Variants in SNTB1 observed in about 807,000 individuals in gnomAD.
The protein encoded by SNTB1 is beta-1-syntrophin.
SNTB1 carries 36 observed loss-of-function variants against 48.9 expected under a neutral mutation model. That is an observed-to-expected ratio of 0.74 (90% CI 0.56 to 0.97). The LOEUF is 0.97. Ranked by LOEUF, SNTB1 falls within the 50% of genes least tolerant of loss-of-function variation. The pLI, the probability that SNTB1 is intolerant of heterozygous loss-of-function variation, is 0.00. For missense variants in SNTB1, 786 were observed against 703.4 expected (o/e 1.12, Z -1.33); for synonymous variants, 299 against 294.6 (o/e 1.01, Z -0.15).
chr8:120,654,262 G>A (rs999677939), intron 2 of SNTB1, among the ~76,000 whole-genome samples: 2 of 151,856 alleles, frequency 1.3e-5, no homozygotes, highest in Non-Finnish European at 1.5e-5. Context: ...CTTCCTTGCT[G>A]GCTGATGAGC....
chr8:120,561,562 A>C (rs1019255259), intron 4 of SNTB1, among the ~76,000 whole-genome samples: 1 of 152,106 alleles, frequency 6.6e-6, no homozygotes. Context: ...TACTTTTTAA[A>C]TAATTTTTTG....
chr8:120,699,854 G>C (rs978463085), intron 1 of SNTB1, among the ~76,000 whole-genome samples: 1 of 152,078 alleles, frequency 6.6e-6, no homozygotes, highest in Non-Finnish European at 1.5e-5. Context: ...AATTCTCTCA[G>C]GACTTATTCT....
At chr8:120,633,900 T>C (rs957794578) in intron 2 of SNTB1, among the ~76,000 whole-genome samples, 2 of 152,180 alleles carry the variant, frequency 1.3e-5, no homozygotes, top group African/African-American at 4.8e-5. Context: ...ACTAGGAAAC[T>C]GACATAGGTA....
In SNTB1 at chr8:120,579,691, AAAAC is replaced by A. The variant is rs145594222; in HGVS notation, c.997-4470_997-4467del. On this transcript the variant is annotated intron_variant, in intron 3 of 6. Transcript: ENST00000517992. Reference sequence around the variant, plus strand: ...GAGACTCTGTGTCAAAAAAGAAAAGAAAACAAACAAACAAACAAACAAAAAACCT... The same window carrying A: ...GAGACTCTGTGTCAAAAAAGAAAAGAAAACAAACAAACAAACAAAAAACCT... Among the ~76,000 whole-genome samples the A allele has an allele frequency of 2.1e-3, 315 of 151,950 alleles. 2 individuals are homozygous for A. Among genetic ancestry groups the A allele is most frequent in the African/African-American group, 6.8e-3 (281 of 41,420 alleles).
chr8:120,612,994 C>A (rs976688145), intron 3 of SNTB1, among the ~76,000 whole-genome samples: 1 of 151,964 alleles, frequency 6.6e-6, no homozygotes, highest in Non-Finnish European at 1.5e-5. Context: ...TGATGTTAAG[C>A]GAAATAAGTC....
At chr8:120,680,890 T>C (rs904552544) in intron 2 of SNTB1, among the ~76,000 whole-genome samples, 3 of 152,188 alleles carry the variant, frequency 2.0e-5, no homozygotes, top group Non-Finnish European at 4.4e-5. Context: ...GGAATGGTGC[T>C]GACAGGTACG....
chr8:120,811,640 G>T lies in SNTB1; in HGVS notation c.204C>A (p.Phe68Leu). 6.3e-7 allele frequency: 1 copy of T among 1,594,752 alleles called. No individual in the cohort carries two copies. The change falls in exon 1 of 7, where the codon TTC (phenylalanine) becomes TTA (leucine). Residue 68 changes from phenylalanine to leucine, a missense_variant. Physicochemically the swap from Phe to Leu is conservative, Grantham distance 22. Transcript: ENST00000517992. Reference protein sequence around the residue: ...NGIGTATNGSFCRGAGAGHPG... With the variant: ...NGIGTATNGSLCRGAGAGHPG... ...GGTGCCCAGCCCCGGCGCCCCTGCAGAACGAGCCATTGGTGGCGGTCCCGA... is the reference window on the plus strand; with the variant it reads ...GGTGCCCAGCCCCGGCGCCCCTGCATAACGAGCCATTGGTGGCGGTCCCGA...
chr8:120,604,578 G>A (rs370786767), intron 3 of SNTB1, among the ~76,000 whole-genome samples: 6 of 151,916 alleles, frequency 3.9e-5, no homozygotes, highest in Admixed American at 3.3e-4. Flanking sequence ...AGCCTCTCAG[G>A]TAGCTGGGAT....
At chr8:120,784,129 G>A (rs1469249285) in intron 1 of SNTB1, among the ~76,000 whole-genome samples, 1 of 152,046 alleles carries the variant, frequency 6.6e-6, no homozygotes, top group Non-Finnish European at 1.5e-5. Context: ...AAGTAGCTGG[G>A]ATTACAGGCA....
chr8:120,599,543 G>T (rs1486174150), intron 3 of SNTB1, among the ~76,000 whole-genome samples: 1 of 152,114 alleles, frequency 6.6e-6, no homozygotes, highest in African/African-American at 2.4e-5. Context: ...CTTAAATAAA[G>T]ATATACACGA....
In SNTB1 at chr8:120,632,585, C is replaced by T. The variant is rs141153098; in HGVS notation, c.855G>A (p.Thr285=). 220 of 1,614,068 alleles carry T rather than the reference C, an allele frequency of 1.4e-4. 2 individuals are homozygous for T. In the East Asian group the frequency reaches 3.2e-3, roughly 23 times the overall value. ...TVILRSKDSA[T]AQAWFSAIHS... ...GGATGGCACTGAACCATGCCTGGGC[C>T]GTGGCTGAGTCCTTGCTCCTTAGGA... Residue 285 remains threonine (T), a synonymous_variant, in exon 3 of 7, where the codon ACG becomes ACA. Transcript: ENST00000517992.
At chr8:120,744,194 C>T (rs1233063622) in intron 1 of SNTB1, among the ~76,000 whole-genome samples, 5 of 150,614 alleles carry the variant, frequency 3.3e-5, no homozygotes, top group Admixed American at 1.3e-4. Context: ...GTCTTCACTT[C>T]GATTTATTTC....
intron 1 of SNTB1, among the ~76,000 whole-genome samples, chr8:120,719,591 G>A (rs1350114296): frequency 1.3e-5 from 2 of 152,172 alleles, no homozygotes; most frequent in Admixed American, 1.3e-4. Flanking sequence ...ATTGCTCCAT[G>A]TAATTCTCCC....
chr8:120,732,917 CCTGT>C (rs1319261548), intron 1 of SNTB1, among the ~76,000 whole-genome samples: 2 of 152,206 alleles, frequency 1.3e-5, no homozygotes, highest in African/African-American at 4.8e-5. Context: ...GCCAACTCTG[CCTGT>C]CTATGCTTTA....
intron 3 of SNTB1, among the ~76,000 whole-genome samples, chr8:120,577,896 T>C (rs186106206): frequency 2.6e-5 from 4 of 152,314 alleles, no homozygotes; most frequent in Middle Eastern, 3.4e-3. Context: ...GTGAGAATAC[T>C]TGGAGTGGGC....
intron 2 of SNTB1, among the ~76,000 whole-genome samples, chr8:120,641,371 A>G (rs56368196): frequency 0.19 from 29,095 of 152,232 alleles, 3,480 homozygotes; most frequent in East Asian, 0.38. Context: ...AAGCATGCAA[A>G]TACGTCATTT....
chr8:120,730,064 T>G (rs1818826628), intron 1 of SNTB1, among the ~76,000 whole-genome samples: 1 of 152,232 alleles, frequency 6.6e-6, no homozygotes, highest in Admixed American at 6.5e-5. Flanking sequence ...ATAAATCTCA[T>G]TTTTATAAAT....
intron 2 of SNTB1, among the ~76,000 whole-genome samples, chr8:120,662,840 C>T (rs1312644043): frequency 2.0e-5 from 3 of 152,076 alleles, no homozygotes; most frequent in Non-Finnish European, 4.4e-5. Context: ...TTTTTGGGTG[C>T]AGCAAGTACA....
intron 1 of SNTB1, chr8:120,775,634 AGAAG>A (rs1485023688): frequency 6.6e-6 from 1 of 150,518 alleles, no homozygotes; most frequent in Non-Finnish European, 1.5e-5. Flanking sequence ...AAAGAATGAA[AGAAG>A]GAAGGAAGGA....
Sources: gnomAD v4.1 joint callset for allele counts (sites outside exome capture counted in the v4.1 genomes callset) on GRCh38, gnomAD v4.1.1 for gene constraint, MANE v1.5 for transcripts, NCBI Gene and HGNC (gene_info 2026-07-23, HGNC 2026-07-21) for gene names.